ZNF410: variants seen among roughly 807,000 people sequenced by gnomAD.
The protein encoded by ZNF410 is zinc finger protein 410, also known as another partner for ARF 1.
ZNF410 carries 18 observed loss-of-function variants against 54.8 expected under a neutral mutation model. The observed-to-expected ratio is 0.33, with a 90% CI of 0.23 to 0.49. ZNF410 has a LOEUF of 0.49. Among genes scored for constraint, ZNF410 ranks in the 20% least tolerant of loss-of-function variants. The pLI is 0.99. For missense variants in ZNF410, 405 were observed against 569.6 expected (o/e 0.71, Z 2.94); for synonymous variants, 191 against 207.3 (o/e 0.92, Z 0.68).
chr14:73,929,330 A>G (rs1189517618), intron 11 of ZNF410, among the ~76,000 whole-genome samples: 4 of 151,822 alleles, frequency 2.6e-5, no homozygotes, highest in African/African-American at 9.7e-5. Context: ...GGTCTAGGTA[A>G]TAACTTGCTA....
rs374586877 is a variant in ZNF410, at chr14:73,921,119, G to A, written c.1129+14G>A. Reference sequence around the variant, plus strand: ...AGGAGCAAACTGGTGAGGAGGGTGGGCATAGTGGAACGCTGTACTACTTCT... The same window carrying A: ...AGGAGCAAACTGGTGAGGAGGGTGGACATAGTGGAACGCTGTACTACTTCT... On this transcript the variant is annotated intron_variant, in intron 9 of 11. Transcript: ENST00000555044. The A allele has an allele frequency of 6.2e-7, 1 of 1,613,304 alleles. No homozygotes were observed. Among genetic ancestry groups the A allele is most frequent in the Non-Finnish European group, 8.5e-7 (1 of 1,179,768 alleles).
chr14:73,919,387 C>T (rs2055721989), intron 8 of ZNF410, among the ~76,000 whole-genome samples: 1 of 151,886 alleles, frequency 6.6e-6, no homozygotes, highest in Non-Finnish European at 1.5e-5. Context: ...TACTAATGAC[C>T]CTGTTGACCA....
At chr14:73,920,870 A>C in intron 8 of ZNF410, 110 bp from the exon 9 acceptor site, 2 of 1,399,002 alleles carry the variant, frequency 1.4e-6, no homozygotes, top group Non-Finnish European at 2.0e-6. Context: ...TGGGAAAAGG[A>C]GCAGCTGCTT....
At position 73,932,318 on chromosome 14, in the gene ZNF410, G is replaced by C. The variant is rs1211026297; in HGVS notation, c.*777G>C. The C allele has an allele frequency of 2.9e-6, 1 of 339,926 alleles. No individual in the cohort carries two copies. Among genetic ancestry groups the C allele is most frequent in the Non-Finnish European group, 5.7e-6 (1 of 175,006 alleles). 21.1% of individuals were successfully genotyped at this position (339,926 alleles called of 1,614,324 possible). A position where few individuals can be genotyped will look rare whatever the true frequency, so the allele number is the denominator to read the frequency against. ...GTTTTATACAAAATTTGTTTTCTTA[G>C]AGATTAAGAATTTAATCTTTCCCTT... On this transcript the variant is annotated 3_prime_UTR_variant, in exon 12 of 12. Transcript: ENST00000555044.
In ZNF410 at chr14:73,923,460, A is replaced by G; in HGVS notation, c.1336A>G (p.Thr446Ala). The G allele has an allele frequency of 6.2e-7, 1 of 1,614,034 alleles. No homozygotes were observed. Among genetic ancestry groups the G allele is most frequent in the Non-Finnish European group, 8.5e-7 (1 of 1,179,976 alleles). ...GCCTGATGTGACACATCACCTGGTG[A>G]CCATGCAGTCAGGGAGGCAATCATA... ...SVPDVTHHLVTMQSGRQSYEV... is the reference protein window; with the variant it reads ...SVPDVTHHLVAMQSGRQSYEV... The change falls in exon 11 of 12, where the codon ACC becomes GCC. Residue 446 changes from threonine (T) to alanine (A), a missense_variant. Coordinates refer to ENST00000555044, the MANE Select transcript of ZNF410 (RefSeq NM_021188.3).
chr14:73,905,016 T>G lies in ZNF410; in HGVS notation c.846T>G (p.His282Gln). The change falls in exon 7 of 12, where the codon CAT (histidine) becomes CAG (glutamine). Residue 282 changes from histidine (H) to glutamine (Q), a missense_variant. His to Gln is a conservative substitution (Grantham distance 24). Transcript: ENST00000555044. ...ATGGAGAGAAGCCCTTTATGTGCCATGAGTCTGGCTGTGGTAAGCAGTTTA... is the reference window on the plus strand; with the variant it reads ...ATGGAGAGAAGCCCTTTATGTGCCAGGAGTCTGGCTGTGGTAAGCAGTTTA... ...THNGEKPFMC[H>Q]ESGCGKQFTT... 1 of 1,614,112 alleles carries G rather than the reference T, an allele frequency of 6.2e-7. No homozygotes were observed.
intron 8 of ZNF410, among the ~76,000 whole-genome samples, chr14:73,911,936 G>A (rs2055586171): frequency 6.6e-6 from 1 of 151,990 alleles, no homozygotes; most frequent in Admixed American, 6.6e-5. Flanking sequence ...GGATATATTG[G>A]TTTGCTTCCA....
At chr14:73,887,878 G>A (rs954461398) in intron 1 of ZNF410, among the ~76,000 whole-genome samples, 2 of 152,140 alleles carry the variant, frequency 1.3e-5, no homozygotes, top group African/African-American at 4.8e-5. Context: ...AAACGAAGGG[G>A]TTTACCTTTA....
At chr14:73,906,744 G>C (rs2055496437) in intron 7 of ZNF410, among the ~76,000 whole-genome samples, 1 of 152,150 alleles carries the variant, frequency 6.6e-6, no homozygotes, top group Non-Finnish European at 1.5e-5. Context: ...CTCCCAAAGT[G>C]CTGAGATTAT....
At chr14:73,895,168 T>C (rs1408755708) in intron 3 of ZNF410, 1 of 151,948 alleles carries the variant, frequency 6.6e-6, no homozygotes, top group Non-Finnish European at 1.5e-5. Context: ...TAGTAATAAA[T>C]TTAAAAAATA....
intron 11 of ZNF410, 129 bp downstream of exon 11, chr14:73,923,651 T>A: frequency 8.0e-7 from 1 of 1,247,126 alleles, no homozygotes; most frequent in Non-Finnish European, 1.1e-6. Flanking sequence ...TCCTTTAAAT[T>A]AAGCATGAGT....
intron 4 of ZNF410, 155 bp downstream of exon 4, chr14:73,896,689 G>A (rs1476755): frequency 0.36 from 224,582 of 631,488 alleles, 45,423 homozygotes; most frequent in Non-Finnish European, 0.42. Flanking sequence ...ATATGTAGAG[G>A]GAGAGGGAGG....
intron 1 of ZNF410, among the ~76,000 whole-genome samples, chr14:73,888,938 T>C (rs1302930021): frequency 6.6e-6 from 1 of 152,230 alleles, no homozygotes; most frequent in East Asian, 1.9e-4. Flanking sequence ...TACTTAGTTA[T>C]AATATGAATA....
At chr14:73,923,626 T>C (rs2055787197) in intron 11 of ZNF410, 104 bp downstream of exon 11, 3 of 1,428,240 alleles carry the variant, frequency 2.1e-6, no homozygotes, top group East Asian at 4.8e-5. Context: ...CCTGGAAACT[T>C]TGGCACGAAT....
Position 73,929,809 on chromosome 14 carries a change from T to C in ZNF410, c.1399-1694T>C, listed in dbSNP as rs112562736. ...TGCAGTCTGGGTGACAGAGCCAAAC[T>C]CTTTAAAAAAAAAAAAGAAGAAAAA... On this transcript the variant is annotated intron_variant, in intron 11 of 11. Transcript: ENST00000555044. 9.1e-3 allele frequency among the ~76,000 whole-genome samples: 1,365 copies of C among 149,544 alleles called. 12 individuals carry two copies. Among genetic ancestry groups the C allele is most frequent in the African/African-American group, 0.033 (1,303 of 39,992 alleles).
At chr14:73,906,974 C>T (rs1365786618) in intron 7 of ZNF410, among the ~76,000 whole-genome samples, 2 of 152,130 alleles carry the variant, frequency 1.3e-5, no homozygotes, top group African/African-American at 4.8e-5. Flanking sequence ...AGATGCCTCA[C>T]AGATCTGAAT....
At chr14:73,920,272 T>C (rs903334648) in intron 8 of ZNF410, 1 of 152,156 alleles carries the variant, frequency 6.6e-6, no homozygotes, top group South Asian at 2.1e-4. Context: ...TAAAAATCCT[T>C]ATTTCCAGTG....
At chr14:73,929,170 TAGCATTA>T (rs776432333) in intron 11 of ZNF410, among the ~76,000 whole-genome samples, 307 of 152,346 alleles carry the variant, frequency 2.0e-3, no homozygotes, top group Non-Finnish European at 2.4e-3. Context: ...TCTTCACTTT[TAGCATTA>T]TTCTCCTCCT....
At position 73,905,968 on chromosome 14, in the gene ZNF410, C is replaced by CATACATATATAT. The variant is rs1555353430; in HGVS notation, c.913+888_913+889insCATATATATATA. ...ATACACACACACACACACACACACA[C>CATACATATATAT]ATATATATATATATATATATATATA... is the stretch of plus-strand genomic sequence containing the variant. On this transcript the variant is annotated intron_variant, in intron 7 of 11. Transcript: ENST00000555044. 6.5e-4 allele frequency among the ~76,000 whole-genome samples: 51 copies of CATACATATATAT among 78,932 alleles called. 1 individual carries two copies. Among genetic ancestry groups the CATACATATATAT allele is most frequent in the African/African-American group, 1.4e-3 (34 of 23,764 alleles). 51.8% of individuals were successfully genotyped at this position (78,932 alleles called of 152,430 possible).
Sources: allele counts gnomAD v4.1 joint callset (sites outside exome capture counted in the v4.1 genomes callset), GRCh38; gene constraint gnomAD v4.1.1; transcripts MANE v1.5; gene names NCBI Gene and HGNC (gene_info 2026-07-23, HGNC 2026-07-21).